The following XDH variants were observed in gnomAD, a reference collection of about 807,000 sequenced individuals.
XDH encodes the protein xanthine dehydrogenase, also known as xanthine dehydrogenase/oxidase.
In XDH, 138 loss-of-function variants were observed where a neutral mutation model predicts 156.1. That is an observed-to-expected ratio of 0.88 (90% confidence interval 0.77 to 1.02). XDH has a LOEUF of 1.02. XDH is among the 50% of genes least tolerant of loss of function. The pLI is 0.00. For missense variants in XDH, 1,849 were observed against 1,684.9 expected, an observed-to-expected ratio of 1.10 and a Z score of -1.71; for synonymous variants, 669 against 625.7, an observed-to-expected ratio of 1.07 and a Z score of -1.03.
At chr2:31,368,366 AGAT>A (rs2148769192) in intron 19 of XDH, among the ~76,000 whole-genome samples, 172 bp downstream of exon 19, 1 of 152,334 alleles carries the variant, frequency 6.6e-6, no homozygotes, top group South Asian at 2.1e-4. Flanking sequence ...ACTGGGCATA[AGAT>A]CATAAAGGGG....
chr2:31,378,099 A>G (rs377509419), intron 13 of XDH, among the ~76,000 whole-genome samples: 12 of 52,616 alleles, frequency 2.3e-4, no homozygotes, highest in African/African-American at 8.2e-4. Flanking sequence ...AGAAAGAAAG[A>G]AAGAAAGAAA....
chr2:31,406,480 T>C (rs1205028535), intron 1 of XDH, among the ~76,000 whole-genome samples: 1 of 152,208 alleles, frequency 6.6e-6, no homozygotes, highest in Non-Finnish European at 1.5e-5. Context: ...TAATACAATG[T>C]GCTAAATAGA....
intron 1 of XDH, among the ~76,000 whole-genome samples, chr2:31,409,925 A>G (rs767941470): frequency 7.9e-5 from 12 of 152,348 alleles, no homozygotes; most frequent in Admixed American, 7.8e-4. Context: ...AGGGTCTCAG[A>G]TATTTATACA....
chr2:31,368,117 C>G, intron 19 of XDH, 60 bp from the exon 20 acceptor site: 1 of 1,471,246 alleles, frequency 6.8e-7, no homozygotes, highest in Admixed American at 1.7e-5. Context: ...AAGATAGGTT[C>G]TGATTAGGGA....
chr2:31,397,577 A>C, intron 6 of XDH, 91 bp downstream of exon 6: 1 of 1,475,852 alleles, frequency 6.8e-7, no homozygotes. Context: ...TTGTTTGTAG[A>C]CCAGAGGCCC....
At chr2:31,383,402 A>G (rs1686492849) in intron 10 of XDH, among the ~76,000 whole-genome samples, 1 of 152,196 alleles carries the variant, frequency 6.6e-6, no homozygotes, top group South Asian at 2.1e-4. Context: ...CTAAACCAGT[A>G]GTTCTCAACT....
At chr2:31,341,464 T>C (rs1049921256) in intron 32 of XDH, 70 bp from the exon 33 acceptor site, 59 of 1,481,692 alleles carry the variant, frequency 4.0e-5, no homozygotes, top group Non-Finnish European at 5.1e-5. Context: ...AGATGACTCA[T>C]AGTGACCCTC....
intron 24 of XDH, among the ~76,000 whole-genome samples, chr2:31,362,363 G>A (rs1224190607): frequency 6.6e-6 from 1 of 152,182 alleles, no homozygotes; most frequent in Non-Finnish European, 1.5e-5. Flanking sequence ...GATCCTGAGT[G>A]TCACTCTATG....
chr2:31,398,442 C>T, intron 5 of XDH, 131 bp downstream of exon 5: 2 of 1,536,088 alleles, frequency 1.3e-6, no homozygotes, highest in Non-Finnish European at 1.8e-6. Flanking sequence ...TCTTAGTCAC[C>T]ACCTTGTTGG....
At chr2:31,404,353 G>T (rs1031124195) in intron 2 of XDH, among the ~76,000 whole-genome samples, 2 of 152,186 alleles carry the variant, frequency 1.3e-5, no homozygotes, top group African/African-American at 4.8e-5. Context: ...ACAAAGTCTA[G>T]CAAGGTCTTC....
intron 4 of XDH, 22 bp downstream of exon 4, chr2:31,401,193 GAGCAC>G: frequency 1.9e-6 from 3 of 1,612,086 alleles, no homozygotes; most frequent in Non-Finnish European, 2.5e-6. Flanking sequence ...CTGATCTCAA[GAGCAC>G]AGCTCCCTTT....
intron 31 of XDH, 59 bp downstream of exon 31, chr2:31,344,625 A>G (rs1685229847): frequency 1.9e-6 from 3 of 1,594,500 alleles, no homozygotes; most frequent in Non-Finnish European, 2.6e-6. Context: ...GCTGGAGTGG[A>G]CCAGTGAGGT....
chr2:31,378,131 G>A (rs370794063), intron 13 of XDH, among the ~76,000 whole-genome samples: 1,051 of 59,398 alleles, frequency 0.018, 29 homozygotes, highest in African/African-American at 0.034. Context: ...AGGAAGGAAG[G>A]AAGGAAGGAA....
At chr2:31,377,271 C>T in intron 13 of XDH, 34 bp from the exon 14 acceptor site, 1 of 1,613,270 alleles carries the variant, frequency 6.2e-7, no homozygotes, top group Non-Finnish European at 8.5e-7. Context: ...TGTTTTCCAC[C>T]TTGCTCTGTA....
At chr2:31,381,547 GCT>G in intron 12 of XDH, 84 bp downstream of exon 12, 1 of 1,365,808 alleles carries the variant, frequency 7.3e-7, no homozygotes, top group Non-Finnish European at 1.0e-6. Context: ...TGAACTTTGA[GCT>G]CTGTTTCTCC....
chr2:31,360,051 C>A (rs1441438527), intron 24 of XDH, among the ~76,000 whole-genome samples: 1 of 152,208 alleles, frequency 6.6e-6, no homozygotes, highest in Admixed American at 6.5e-5. Context: ...TTCCCATTGG[C>A]TACCTGCTCC....
At chr2:31,343,112 C>T (rs956656223) in intron 31 of XDH, among the ~76,000 whole-genome samples, 6 of 151,772 alleles carry the variant, frequency 4.0e-5, no homozygotes, top group African/African-American at 1.5e-4. Flanking sequence ...CCAGAAAAAA[C>T]CACCACCAAT....
intron 8 of XDH, among the ~76,000 whole-genome samples, chr2:31,387,599 T>C (rs993311048): frequency 2.6e-5 from 4 of 152,150 alleles, no homozygotes; most frequent in Non-Finnish European, 5.9e-5. Context: ...TTAATAACTG[T>C]AACTGTGACA....
rs569851273 is a variant in XDH, at chr2:31,336,014, A to G, written c.3952-6T>C. 6.2e-7 allele frequency: 1 copy of G among 1,614,204 alleles called. No individual in the cohort carries two copies. The highest frequency in any genetic ancestry group is 1.1e-5 in the South Asian group (1 of 91,088). ...TCTGGGACACCAGTGACACACTAGG[A>G]AGGAATGATAGTGTTCTCATTGCCA... On this transcript the variant is annotated splice_polypyrimidine_tract_variant and splice_region_variant and intron_variant, in intron 35 of 35. Coordinates refer to ENST00000379416, the MANE Select transcript of XDH (RefSeq NM_000379.4).
Sources: gnomAD v4.1 joint callset for allele counts (sites outside exome capture counted in the v4.1 genomes callset) on GRCh38, gnomAD v4.1.1 for gene constraint, MANE v1.5 for transcripts, NCBI Gene and HGNC (gene_info 2026-07-23, HGNC 2026-07-21) for gene names.